TEX15: variants seen among roughly 807,000 people sequenced by gnomAD.
TEX15 encodes testis-expressed protein 15.
In TEX15, 171 loss-of-function variants were observed where a neutral mutation model predicts 237.3. The ratio of observed to expected loss-of-function variants is 0.72; its 90% CI spans 0.64 to 0.82. The LOEUF (loss-of-function observed/expected upper bound fraction) is 0.82. TEX15 is among the 40% of genes least tolerant of loss of function. TEX15 has a pLI of 0.00. For synonymous variants in TEX15, 1,338 were observed against 1,269.8 expected, an observed-to-expected ratio of 1.05 and a Z score of -1.14; for missense variants, 3,750 against 3,646.5, an observed-to-expected ratio of 1.03 and a Z score of -0.73.
At chr8:30,861,850 TC>T (rs761748045) in intron 5 of TEX15, among the ~76,000 whole-genome samples, 4 of 151,498 alleles carry the variant, frequency 2.6e-5, no homozygotes, top group Non-Finnish European at 4.4e-5. Context: ...AGGGAAAAAA[TC>T]CCCCCAAACT....
rs762429234 is a variant in TEX15, at chr8:30,844,501, A to C, written c.5666T>G (p.Ile1889Ser). The change falls in exon 8 of 11, where the codon ATT becomes AGT. Residue 1889 changes from isoleucine to serine, a missense_variant. Coordinates refer to ENST00000643185, the MANE Select transcript of TEX15 (RefSeq NM_001350162.2). ...GGAATCAATCAAGTTAGTTGTAATA[A>C]TTTTCTCATTTAAGCAGGATTCTTC... The part of the protein sequence containing the change: ...ISEESCLNEK[I>S]ITTNLIDSHL... 1 of 1,612,898 alleles carries C rather than the reference A, an allele frequency of 6.2e-7. No individual in the cohort carries two copies.
intron 3 of TEX15, 132 bp downstream of exon 3, chr8:30,887,035 G>A: frequency 1.4e-6 from 1 of 731,024 alleles, no homozygotes; most frequent in Non-Finnish European, 2.1e-6. Flanking sequence ...ATAAGTACAT[G>A]TATGTTTAAG....
In TEX15 at chr8:30,842,606, CT is replaced by C. The variant is rs748399831; in HGVS notation, c.7560del (p.Asp2521IlefsTer31). ...TTATATTTGCAGATAATATCCAGATCTTTCTTAAGTTCGGAAACAGCAGTCT... is the reference window on the plus strand; with the variant it reads ...TTATATTTGCAGATAATATCCAGATCTTCTTAAGTTCGGAAACAGCAGTCT... ...VIETAVSELK[K>X]DLDIICKYNE... On this transcript the variant is annotated frameshift_variant, in exon 8 of 11. Coordinates refer to ENST00000643185, the MANE Select transcript of TEX15 (RefSeq NM_001350162.2). LOFTEE classifies it high-confidence loss of function. 5 of 1,611,170 alleles carry C rather than the reference CT, an allele frequency of 3.1e-6. No individual in the cohort carries two copies. The South Asian group carries it at 5.5e-5, about 18-fold the overall frequency.
At chr8:30,856,110 T>G (rs1485052117) in intron 7 of TEX15, among the ~76,000 whole-genome samples, 1 of 152,046 alleles carries the variant, frequency 6.6e-6, no homozygotes. Flanking sequence ...CATGCCCAAC[T>G]AAGTTTTGTA....
chr8:30,885,195 G>A lies in TEX15; in HGVS notation c.136+1972C>T, dbSNP rs565293960. ...GATCATCTTAATTAATTCCATTGTG[G>A]TCTGATATGATTTGGCTCTGTGTCC... On this transcript the variant is annotated intron_variant, in intron 3 of 10. Coordinates refer to ENST00000643185, the MANE Select transcript of TEX15 (RefSeq NM_001350162.2). Among the ~76,000 whole-genome samples, 4 of 151,906 alleles carry A rather than the reference G, an allele frequency of 2.6e-5. 1 individual carries two copies. The South Asian group carries it at 8.3e-4, about 32-fold the overall frequency.
Position 30,844,244 on chromosome 8 carries a change from T to G in TEX15, c.5923A>C (p.Lys1975Gln). The G allele has an allele frequency of 6.2e-7, 1 of 1,612,682 alleles. No individual in the cohort carries two copies. The highest frequency in any genetic ancestry group is 8.5e-7 in the Non-Finnish European group (1 of 1,179,418). The change falls in exon 8 of 11, where the codon AAG (lysine) becomes CAG (glutamine). Residue 1975 changes from lysine to glutamine, a missense_variant. Transcript: ENST00000643185. ...TCACTCACGTATGACGCAGGTTTCT[T>G]CAGAAGAGTAGGGACTTTACAGGTT... ...SETCKVPTLL[K>Q]KPASYVSDFK...
chr8:30,833,521 A>C (rs1034066416), intron 10 of TEX15, among the ~76,000 whole-genome samples, 198 bp from the exon 11 acceptor site: 1 of 152,216 alleles, frequency 6.6e-6, no homozygotes, highest in Non-Finnish European at 1.5e-5. Flanking sequence ...CATCTGTAAA[A>C]GAACAGCACC....
At position 30,843,035 on chromosome 8, in the gene TEX15, G is replaced by A; in HGVS notation, c.7132C>T (p.Gln2378Ter). 1 of 1,613,544 alleles carries A rather than the reference G, an allele frequency of 6.2e-7. No homozygotes were observed. The change falls in exon 8 of 11, where the codon CAG (glutamine) becomes TAG (stop). Residue 2378 changes from glutamine (Q) to a stop codon, truncating the protein, a stop_gained. Transcript: ENST00000643185. LOFTEE classifies it high-confidence loss of function. ...DICCISEILD[Q>*]AEFADLKKLQ... is the part of the protein sequence containing the mutation. The stretch of plus-strand genomic sequence containing the variant: ...TTTTTAAGGTCTGCAAATTCAGCCT[G>A]ATCCAATATCTCACTAATACAACAA...
At chr8:30,836,041 C>G (rs1419040025) in intron 10 of TEX15, among the ~76,000 whole-genome samples, 1 of 152,062 alleles carries the variant, frequency 6.6e-6, no homozygotes, top group African/African-American at 2.4e-5. Context: ...TCTCTACACA[C>G]CCTAAAGTTT....
chr8:30,885,055 T>C (rs1190697301), intron 3 of TEX15, among the ~76,000 whole-genome samples: 1 of 152,230 alleles, frequency 6.6e-6, no homozygotes, highest in African/African-American at 2.4e-5. Context: ...ACATTTCTCC[T>C]GAGATTTCTT....
chr8:30,907,443 C>A (rs868042153), intron 1 of TEX15, among the ~76,000 whole-genome samples: 3 of 120,592 alleles, frequency 2.5e-5, no homozygotes, highest in African/African-American at 3.4e-5. Context: ...TTTATATATA[C>A]AATGTATATA....
intron 7 of TEX15, among the ~76,000 whole-genome samples, chr8:30,849,675 G>T (rs1233957428): frequency 6.6e-6 from 1 of 152,026 alleles, no homozygotes; most frequent in Non-Finnish European, 1.5e-5. Context: ...AGCCAAGGTG[G>T]ACAGATCATG....
At chr8:30,860,936 T>C (rs2128770679) in intron 5 of TEX15, among the ~76,000 whole-genome samples, 1 of 151,908 alleles carries the variant, frequency 6.6e-6, no homozygotes, top group Non-Finnish European at 1.5e-5. Flanking sequence ...TTTTTTTAAG[T>C]CTGGGTTAGC....
At chr8:30,859,558 C>T (rs906583418) in intron 6 of TEX15, among the ~76,000 whole-genome samples, 2 of 152,004 alleles carry the variant, frequency 1.3e-5, no homozygotes, top group African/African-American at 4.8e-5. Flanking sequence ...TATGGTGAGA[C>T]ATTGGAAATT....
rs1334583665 is a variant in TEX15 at position 30,875,018 on chromosome 8, C to G, written c.221G>C (p.Cys74Ser). The G allele has an allele frequency of 4.3e-6, 6 of 1,399,266 alleles. No homozygotes were observed. Among genetic ancestry groups the G allele is most frequent in the Admixed American group, 5.5e-5 (2 of 36,594 alleles). The allele number at this position is 1,399,266 out of a possible 1,614,324, so 86.7% of individuals were successfully genotyped here. The change falls in exon 4 of 11, where the codon TGT becomes TCT. Residue 74 changes from cysteine (C) to serine (S), a missense_variant. Cys to Ser is a moderately radical substitution (Grantham distance 112). Transcript: ENST00000643185. The part of the protein sequence containing the change: ...TLNQCRLDVN[C>S]DLQSLWQFGD... ...AAACTGCCATAACGACTGCAGATCA[C>G]AGTTTACATCAAGCCTGCACTGGTT...
intron 3 of TEX15, among the ~76,000 whole-genome samples, chr8:30,886,189 C>T (rs1808641964): frequency 6.6e-6 from 1 of 152,168 alleles, no homozygotes; most frequent in South Asian, 2.1e-4. Flanking sequence ...TTTAATCTTT[C>T]ACTTCAGCAA....
chr8:30,859,997 C>A lies in TEX15; in HGVS notation c.601G>T (p.Asp201Tyr). 6.6e-7 allele frequency: 1 copy of A among 1,512,986 alleles called. No individual in the cohort carries two copies. The highest frequency in any genetic ancestry group is 8.8e-7 in the Non-Finnish European group (1 of 1,138,762). The allele number at this position is 1,512,986 out of a possible 1,614,324, so 93.7% of individuals were successfully genotyped here. A position where few individuals can be genotyped will look rare whatever the true frequency, so the allele number is the denominator to read the frequency against. The change falls in exon 6 of 11, where the codon GAT becomes TAT. Residue 201 changes from aspartate (D) to tyrosine (Y), a missense_variant. By Grantham distance (160) the Asp-to-Tyr change is radical (BLOSUM62 -3). Coordinates refer to ENST00000643185, the MANE Select transcript of TEX15 (RefSeq NM_001350162.2). ...TGGCAATCAAAGTTAGGAGAAGGATCCAAAGAAACTTTATTTTTATCCACA... is the reference window on the plus strand; with the variant it reads ...TGGCAATCAAAGTTAGGAGAAGGATACAAAGAAACTTTATTTTTATCCACA... ...PSVDKNKVSLDPSPNFDCHMS... is the reference protein window; with the variant it reads ...PSVDKNKVSLYPSPNFDCHMS...
intron 10 of TEX15, among the ~76,000 whole-genome samples, chr8:30,833,857 T>C (rs924816322): frequency 6.6e-6 from 1 of 152,222 alleles, no homozygotes; most frequent in African/African-American, 2.4e-5. Flanking sequence ...TCTTTTATTT[T>C]AATTGGACTA....
intron 3 of TEX15, among the ~76,000 whole-genome samples, chr8:30,881,006 C>G (rs574769715): frequency 3.4e-4 from 52 of 152,050 alleles, no homozygotes; most frequent in African/African-American, 1.2e-3. Flanking sequence ...TTCTTCTTTT[C>G]CAATCTGAAT....
Sources: gnomAD v4.1 joint callset for allele counts (sites outside exome capture counted in the v4.1 genomes callset) on GRCh38, gnomAD v4.1.1 for gene constraint, MANE v1.5 for transcripts, NCBI Gene and HGNC (gene_info 2026-07-23, HGNC 2026-07-21) for gene names.